Variants in AKAP14 observed in about 807,000 individuals in gnomAD.
AKAP14 encodes A-kinase anchoring protein 14, also known as A-kinase anchor protein 14.
AKAP14 carries 4 observed loss-of-function variants against 17.0 expected under a neutral mutation model. The observed-to-expected ratio is 0.23, with a 90% confidence interval of 0.12 to 0.54. The LOEUF (loss-of-function observed/expected upper bound fraction) is 0.54, where lower values mean the gene tolerates loss of function less well. AKAP14 is among the 20% of genes least tolerant of loss of function. The pLI is 0.95. For missense variants in AKAP14, 129 were observed against 150.9 expected, an observed-to-expected ratio of 0.85 and a Z score of 0.76; for synonymous variants, 42 against 51.3, an observed-to-expected ratio of 0.82 and a Z score of 0.77.
At chrX:119,907,082 C>T (rs2056602016) in intron 4 of AKAP14, among the ~76,000 whole-genome samples, 1 of 111,144 alleles carries the variant, frequency 9.0e-6, no homozygotes, top group Non-Finnish European at 1.9e-5. Context: ...TGCCCAACCT[C>T]TCTCTGATTG....
chrX:119,903,688 G>C, intron 4 of AKAP14, 102 bp downstream of exon 4: 5 of 1,155,091 alleles, frequency 4.3e-6, no homozygotes, highest in Non-Finnish European at 5.8e-6. Flanking sequence ...CTAGGAGATG[G>C]TATCAAAGGG....
intron 2 of AKAP14, among the ~76,000 whole-genome samples, chrX:119,899,561 G>A (rs2056552748): frequency 1.8e-5 from 2 of 110,876 alleles, no homozygotes; most frequent in South Asian, 3.8e-4. Context: ...CCTGAAAGAC[G>A]CTGGGGACTT....
At chrX:119,914,304 C>T (rs776538546) in intron 4 of AKAP14, among the ~76,000 whole-genome samples, 1 of 110,089 alleles carries the variant, frequency 9.1e-6, no homozygotes, top group Non-Finnish European at 1.9e-5. Context: ...TTACATGCCA[C>T]ACTTATCCTT....
intron 2 of AKAP14, among the ~76,000 whole-genome samples, chrX:119,901,560 G>A (rs1262428918): frequency 9.2e-6 from 1 of 109,169 alleles, no homozygotes; most frequent in East Asian, 2.9e-4. Flanking sequence ...CAAAAAATTA[G>A]CCAGGCATGG....
At chrX:119,911,040 A>T (rs2056624770) in intron 4 of AKAP14, among the ~76,000 whole-genome samples, 1 of 107,840 alleles carries the variant, frequency 9.3e-6, no homozygotes, top group Admixed American at 1.0e-4. Flanking sequence ...CCTTACAGAT[A>T]AGTCAGCCCT....
chrX:119,914,789 C>T lies in AKAP14; in HGVS notation c.352C>T (p.His118Tyr). 1 of 1,209,280 alleles carries T rather than the reference C, an allele frequency of 8.3e-7. No homozygotes were observed. Among genetic ancestry groups the T allele is most frequent in the Non-Finnish European group, 1.1e-6 (1 of 893,217 alleles). ...IHSFLYIYYV[H>Y]WSISTADLPV... The stretch of plus-strand genomic sequence containing the variant: ...CAGCTTCCTCTACATCTACTATGTA[C>T]ACTGGAGTATCTCAACTGCTGACCT... The change falls in exon 5 of 7, where the codon CAC (histidine) becomes TAC (tyrosine). Residue 118 changes from histidine (H) to tyrosine (Y), a missense_variant. By Grantham distance (83) the His-to-Tyr change is moderately conservative. Coordinates refer to ENST00000371431, the MANE Select transcript of AKAP14 (RefSeq NM_178813.6).
chrX:119,904,523 G>T (rs757356082), intron 4 of AKAP14, among the ~76,000 whole-genome samples: 43 of 111,899 alleles, frequency 3.8e-4, no homozygotes, highest in African/African-American at 1.4e-3. Context: ...CAAGACGGGA[G>T]AATCAATCAT....
chrX:119,914,186 C>T (rs773239526), intron 4 of AKAP14, among the ~76,000 whole-genome samples: 1 of 104,043 alleles, frequency 9.6e-6, no homozygotes, highest in Admixed American at 1.1e-4. Flanking sequence ...TGCAATGAGC[C>T]GAGATCATGC....
In AKAP14 at chrX:119,903,319, C is replaced by T. The variant is rs1317723089; in HGVS notation, c.96C>T (p.Tyr32=). ...QTMPNTQDKN[Y]EDELTQVALA... ...TGCCGAATACACAAGACAAGAACTA[C>T]GAGGATGAATTGACTCAAGTAGCTC... The change falls in exon 3 of 7, where the codon TAC becomes TAT. Residue 32 remains tyrosine (Y), a synonymous_variant. Coordinates refer to ENST00000371431, the MANE Select transcript of AKAP14 (RefSeq NM_178813.6). 1.6e-5 allele frequency: 19 copies of T among 1,210,399 alleles called. No homozygotes were observed. Among genetic ancestry groups the T allele is most frequent in the East Asian group, 3.0e-5 (1 of 33,777 alleles).
chrX:119,903,482 C>CT lies in AKAP14; in HGVS notation c.170-5dup, dbSNP rs112575937. On this transcript the variant is annotated splice_polypyrimidine_tract_variant and intron_variant, in intron 3 of 6. Transcript: ENST00000371431. ...TACCTGGCAACTAACGAACTCACAC[C>CT]TTTTTTTTGCAGAGGAGCGAAACCC... is the stretch of plus-strand genomic sequence containing the variant. The CT allele has an allele frequency of 1.4e-3, 1,736 of 1,207,061 alleles. 19 individuals carry two copies. The African/African-American group carries it at 0.024, about 17-fold the overall frequency.
intron 4 of AKAP14, 43 bp downstream of exon 4, chrX:119,903,629 G>A (rs1243337137): frequency 2.5e-6 from 3 of 1,201,400 alleles, no homozygotes; most frequent in Non-Finnish European, 3.4e-6. Flanking sequence ...CCGGTGTGAA[G>A]AACAATAAAG....
chrX:119,918,185 C>G (rs2056669696), intron 5 of AKAP14, among the ~76,000 whole-genome samples: 1 of 112,310 alleles, frequency 8.9e-6, no homozygotes. Context: ...TATGCTTTTT[C>G]TCCATAGCAC....
At chrX:119,907,704 C>T (rs2056605490) in intron 4 of AKAP14, among the ~76,000 whole-genome samples, 1 of 110,885 alleles carries the variant, frequency 9.0e-6, no homozygotes, top group Non-Finnish European at 1.9e-5. Flanking sequence ...AGTGGTCCTC[C>T]TGCCTCGGCC....
chrX:119,903,484 T>C lies in AKAP14; in HGVS notation c.170-11T>C. The C allele has an allele frequency of 8.3e-7, 1 of 1,211,856 alleles. No individual in the cohort carries two copies. The highest frequency in any genetic ancestry group is 1.8e-5 in the South Asian group (1 of 56,993). On this transcript the variant is annotated splice_polypyrimidine_tract_variant and intron_variant, in intron 3 of 6. Transcript: ENST00000371431. ...CCTGGCAACTAACGAACTCACACCT[T>C]TTTTTTGCAGAGGAGCGAAACCCTT...
chrX:119,898,301 A>G (rs1405921359), intron 2 of AKAP14, among the ~76,000 whole-genome samples: 2 of 112,193 alleles, frequency 1.8e-5, no homozygotes, highest in Non-Finnish European at 3.8e-5. Context: ...ACTCCAGCCC[A>G]GGTAACAGAG....
chrX:119,915,893 A>C (rs193191995), intron 5 of AKAP14, among the ~76,000 whole-genome samples: 1 of 111,542 alleles, frequency 9.0e-6, no homozygotes, highest in Admixed American at 9.6e-5. Flanking sequence ...GTAGCCTCCT[A>C]ATCAGTCTCT....
chrX:119,904,030 A>C (rs1415497758), intron 4 of AKAP14, among the ~76,000 whole-genome samples: 1 of 110,893 alleles, frequency 9.0e-6, no homozygotes, highest in Non-Finnish European at 1.9e-5. Flanking sequence ...TGCAGCTTTG[A>C]ACTCCTGGGC....
chrX:119,904,930 T>C (rs1348389805), intron 4 of AKAP14, among the ~76,000 whole-genome samples: 1 of 110,277 alleles, frequency 9.1e-6, no homozygotes, highest in East Asian at 2.8e-4. Flanking sequence ...TATGCACGTA[T>C]AGTTCCAGCT....
intron 4 of AKAP14, among the ~76,000 whole-genome samples, chrX:119,910,423 C>T (rs755099999): frequency 9.0e-6 from 1 of 111,446 alleles, no homozygotes; most frequent in South Asian, 3.8e-4. Context: ...AATTCAGGCT[C>T]TTCTTTGATT....
Sources: gnomAD v4.1 joint callset for allele counts (sites outside exome capture counted in the v4.1 genomes callset) on GRCh38, gnomAD v4.1.1 for gene constraint, MANE v1.5 for transcripts, NCBI Gene and HGNC (gene_info 2026-07-23, HGNC 2026-07-21) for gene names.